Variants in FUBP1 observed in about 807,000 individuals in gnomAD.
The protein encoded by FUBP1 is far upstream element-binding protein 1.
FUBP1 carries 16 observed loss-of-function variants against 94.9 expected under a neutral mutation model. That is an observed-to-expected ratio of 0.17 (90% CI 0.11 to 0.26). FUBP1 has a LOEUF of 0.26. Among genes scored for constraint, FUBP1 ranks in the 10% least tolerant of loss-of-function variants. FUBP1 has a pLI of 1.00. For synonymous variants in FUBP1, 279 were observed against 254.9 expected (o/e 1.09, Z -0.90); for missense variants, 583 against 808.6 (o/e 0.72, Z 3.38).
intron 12 of FUBP1, 77 bp downstream of exon 12, chr1:77,963,985 G>A: frequency 2.3e-6 from 2 of 887,514 alleles, no homozygotes; most frequent in Admixed American, 3.5e-5. Flanking sequence ...CTCTGATATA[G>A]AGGTAACTTC....
At chr1:77,978,468 TTAA>T (rs530837541) in intron 1 of FUBP1, among the ~76,000 whole-genome samples, 53 of 152,356 alleles carry the variant, frequency 3.5e-4, no homozygotes, top group African/African-American at 1.2e-3. Flanking sequence ...AAAGGCTACT[TTAA>T]TGATAAATCC....
intron 14 of FUBP1, among the ~76,000 whole-genome samples, chr1:77,961,654 C>A (rs1396083807): frequency 6.6e-6 from 1 of 152,284 alleles, no homozygotes; most frequent in African/African-American, 2.4e-5. Flanking sequence ...TGAGGCAACC[C>A]GACTACAGAG....
At chr1:77,961,173 C>G (rs552020814) in intron 14 of FUBP1, among the ~76,000 whole-genome samples, 1 of 152,104 alleles carries the variant, frequency 6.6e-6, no homozygotes, top group South Asian at 2.1e-4. Context: ...TCATTAATAA[C>G]GCTTAACTGA....
chr1:77,964,041 AAT>A lies in FUBP1; in HGVS notation c.1041+19_1041+20del. On this transcript the variant is annotated intron_variant, in intron 12 of 19. Coordinates refer to ENST00000370768, the MANE Select transcript of FUBP1 (RefSeq NM_003902.5). ...CTTTTCCATAAAAACAAAAAATGAA[AAT>A]GTTAACTTTCTATCAAACCTGAACA... is the stretch of plus-strand genomic sequence containing the variant. 2 of 1,376,236 alleles carry A rather than the reference AAT, an allele frequency of 1.5e-6. No homozygotes were observed. Among genetic ancestry groups the A allele is most frequent in the Non-Finnish European group, 2.1e-6 (2 of 963,784 alleles). 85.3% of individuals were successfully genotyped at this position (1,376,236 alleles called of 1,614,324 possible).
chr1:77,949,445 A>T (rs984991209), intron 18 of FUBP1, 145 bp from the exon 19 acceptor site: 2 of 608,934 alleles, frequency 3.3e-6, no homozygotes, highest in South Asian at 4.8e-5. Flanking sequence ...CAAAAAAAAA[A>T]ACCCCTAAAC....
At chr1:77,956,348 G>C (rs1654456461) in intron 17 of FUBP1, among the ~76,000 whole-genome samples, 1 of 152,058 alleles carries the variant, frequency 6.6e-6, no homozygotes, top group Admixed American at 6.6e-5. Flanking sequence ...AGTAAACAAG[G>C]GAATAAAACA....
At chr1:77,960,761 C>T (rs904836625) in intron 14 of FUBP1, 2 of 344,674 alleles carry the variant, frequency 5.8e-6, no homozygotes, top group Middle Eastern at 8.2e-4. Flanking sequence ...TTTCCTTTAG[C>T]TTGTTTGCGG....
At position 77,946,351 on chromosome 1, in the gene FUBP1, T is replaced by C. The variant is rs1243127736; in HGVS notation, c.*2415A>G. 2.6e-5 allele frequency: 5 copies of C among 191,806 alleles called. No homozygotes were observed. The highest frequency in any genetic ancestry group is 1.2e-4 in the African/African-American group (5 of 42,820). 11.9% of individuals were successfully genotyped at this position (191,806 alleles called of 1,614,324 possible). ...TAAAATAAAAAACATTACCCAGAAA[T>C]GTAAACAGTTGCTTTAACAACTTAC... On this transcript the variant is annotated 3_prime_UTR_variant, in exon 20 of 20. Coordinates refer to ENST00000370768, the MANE Select transcript of FUBP1 (RefSeq NM_003902.5).
chr1:77,964,232 C>G (rs770039140), intron 11 of FUBP1, 22 bp downstream of exon 11: 1 of 1,560,264 alleles, frequency 6.4e-7, no homozygotes, highest in Non-Finnish European at 8.8e-7. Context: ...CCAACACTTA[C>G]AAGATTATTA....
At chr1:77,963,793 T>G in intron 12 of FUBP1, 78 bp from the exon 13 acceptor site, 2 of 1,240,422 alleles carry the variant, frequency 1.6e-6, no homozygotes, top group South Asian at 2.9e-5. Context: ...TAAGTTTATT[T>G]TTCCCAGCTC....
At chr1:77,971,017 G>A (rs977018599) in intron 1 of FUBP1, among the ~76,000 whole-genome samples, 4 of 151,304 alleles carry the variant, frequency 2.6e-5, no homozygotes, top group African/African-American at 7.3e-5. Flanking sequence ...TTGGATGACA[G>A]AGCAAGACTG....
chr1:77,947,203 TTTG>T lies in FUBP1; in HGVS notation c.*1560_*1562del, dbSNP rs1226811876. 6.7e-4 allele frequency: 162 copies of T among 241,404 alleles called. No individual in the cohort carries two copies. In the East Asian group the frequency reaches 0.01, roughly 15 times the overall value. 15.0% of individuals were successfully genotyped at this position (241,404 alleles called of 1,614,324 possible). A position where few individuals can be genotyped will look rare whatever the true frequency, so the allele number is the denominator to read the frequency against. On this transcript the variant is annotated 3_prime_UTR_variant, in exon 20 of 20. Transcript: ENST00000370768. Reference sequence around the variant, plus strand: ...GCACCAGTGAATAATACTATTCAACTTTGTTAAGTATCAGTTTTCTTTAGCTAT... The same window carrying T: ...GCACCAGTGAATAATACTATTCAACTTTAAGTATCAGTTTTCTTTAGCTAT...
intron 1 of FUBP1, among the ~76,000 whole-genome samples, chr1:77,970,586 C>T (rs1451348417): frequency 6.6e-6 from 1 of 152,136 alleles, no homozygotes; most frequent in African/African-American, 2.4e-5. Flanking sequence ...AAACATGTGG[C>T]TCACATTGTA....
chr1:77,948,978 T>G lies in FUBP1; in HGVS notation c.1926+177A>C, dbSNP rs1652786086. The G allele has an allele frequency of 3.3e-6, 3 of 902,170 alleles. No homozygotes were observed. In the East Asian group the frequency reaches 7.8e-5, roughly 24 times the overall value. The allele number at this position is 902,170 out of a possible 1,614,324, so 55.9% of individuals were successfully genotyped here. A position where few individuals can be genotyped will look rare whatever the true frequency, so the allele number is the denominator to read the frequency against. On this transcript the variant is annotated intron_variant, in intron 19 of 19. Transcript: ENST00000370768. ...GCAGAAATATTCACCACTCAGATGC[T>G]GGAAAGCATTATAAAAAACAAAAAA...
chr1:77,961,442 A>G (rs2102359567), intron 14 of FUBP1, among the ~76,000 whole-genome samples: 1 of 152,360 alleles, frequency 6.6e-6, no homozygotes. Context: ...TAAAAATAAT[A>G]CTGAAAAAGT....
intron 1 of FUBP1, among the ~76,000 whole-genome samples, chr1:77,977,343 AAAAC>A (rs753943335): frequency 4.1e-4 from 63 of 152,152 alleles, no homozygotes; most frequent in South Asian, 1.9e-3. Flanking sequence ...GTCTCTACTG[AAAAC>A]AAACAAACAA....
rs373877391 is a variant in FUBP1, at chr1:77,944,989, C to A, written c.*3777G>T. Among the ~76,000 whole-genome samples, 1 of 151,972 alleles carries A rather than the reference C, an allele frequency of 6.6e-6. No individual in the cohort carries two copies. The highest frequency in any genetic ancestry group is 1.5e-5 in the Non-Finnish European group (1 of 67,852). On this transcript the variant is annotated 3_prime_UTR_variant, in exon 20 of 20. Transcript: ENST00000370768. ...TGTTTAAGTGCTAAATAAGTCAGTT[C>A]AGTTTCAATCTAAACTATACATTGT...
At chr1:77,979,142 AG>A, upstream of FUBP1, 1 of 860,450 alleles carries the variant, frequency 1.2e-6, no homozygotes, top group Admixed American at 2.9e-5. Flanking sequence ...CGGAGACTGA[AG>A]GAACAAAATC....
chr1:77,971,436 T>C (rs1301952931), intron 1 of FUBP1, among the ~76,000 whole-genome samples: 2 of 152,180 alleles, frequency 1.3e-5, no homozygotes, highest in African/African-American at 2.4e-5. Flanking sequence ...AAAATTATAG[T>C]TAAGTGCTGA....
Sources: allele counts gnomAD v4.1 joint callset (sites outside exome capture counted in the v4.1 genomes callset), GRCh38; gene constraint gnomAD v4.1.1; transcripts MANE v1.5; gene names NCBI Gene and HGNC (gene_info 2026-07-23, HGNC 2026-07-21).